PCDHGA7: variants seen among roughly 807,000 people sequenced by gnomAD.
PCDHGA7 encodes protocadherin gamma-A7.
A neutral mutation model predicts 58.3 loss-of-function variants in PCDHGA7; 44 were observed. That is an observed-to-expected ratio of 0.75 (90% confidence interval 0.59 to 0.97). PCDHGA7 has a LOEUF of 0.97. Ranked by LOEUF, PCDHGA7 falls within the 50% of genes least tolerant of loss-of-function variation. PCDHGA7 has a pLI of 0.00. For missense variants in PCDHGA7, 1,266 were observed against 1,188.7 expected (o/e 1.06, Z -0.96); for synonymous variants, 516 against 504.2 (o/e 1.02, Z -0.31).
chr5:141,392,615 C>A (rs2092564205), intron 1 of PCDHGA7: 1 of 536,798 alleles, frequency 1.9e-6, no homozygotes, highest in Non-Finnish European at 3.2e-6. Context: ...CAAATGCAAC[C>A]GAAAACACTC....
intron 1 of PCDHGA7, chr5:141,423,611 C>T: frequency 1.1e-5 from 18 of 1,611,094 alleles, no homozygotes; most frequent in Non-Finnish European, 1.5e-5. Flanking sequence ...CTCTTGATAG[C>T]TGAAGACTCA....
At chr5:141,472,359 G>T (rs2099278248) in intron 1 of PCDHGA7, among the ~76,000 whole-genome samples, 1 of 151,944 alleles carries the variant, frequency 6.6e-6, no homozygotes, top group Admixed American at 6.6e-5. Flanking sequence ...GGCTAACACG[G>T]TGAAACCCCG....
intron 1 of PCDHGA7, among the ~76,000 whole-genome samples, chr5:141,468,193 C>T (rs2099159672): frequency 6.6e-6 from 1 of 151,600 alleles, no homozygotes; most frequent in Non-Finnish European, 1.5e-5. Flanking sequence ...GGCATGGTGG[C>T]GGGTGCCTGT....
intron 1 of PCDHGA7, chr5:141,422,560 G>T (rs2096656228): frequency 6.2e-7 from 1 of 1,614,032 alleles, no homozygotes; most frequent in East Asian, 2.2e-5. Context: ...GAATGTGGCA[G>T]ATGACAACGA....
At chr5:141,427,780 T>C (rs2097069858) in intron 1 of PCDHGA7, 1 of 1,456,004 alleles carries the variant, frequency 6.9e-7, no homozygotes. Flanking sequence ...CTGCGGGCAC[T>C]GTCGTCCTAC....
intron 1 of PCDHGA7, among the ~76,000 whole-genome samples, chr5:141,465,779 GT>G (rs879859429): frequency 5.2e-4 from 76 of 145,138 alleles, no homozygotes; most frequent in South Asian, 1.1e-3. Flanking sequence ...TCTTGTTACA[GT>G]TTTTTTTTTT....
chr5:141,398,329 G>A, intron 1 of PCDHGA7: 2 of 1,358,092 alleles, frequency 1.5e-6, no homozygotes, highest in African/African-American at 1.5e-5. Flanking sequence ...AAAACTGCGC[G>A]TCAGTTCGGA....
chr5:141,399,252 TG>T, intron 1 of PCDHGA7: 1 of 1,613,778 alleles, frequency 6.2e-7, no homozygotes, highest in Non-Finnish European at 8.5e-7. Context: ...CTGGGGAAAA[TG>T]GGGAGGTTAA....
chr5:141,393,656 C>T (rs762750239), intron 1 of PCDHGA7: 2 of 1,613,868 alleles, frequency 1.2e-6, no homozygotes, highest in East Asian at 4.5e-5. Context: ...CATACAAATT[C>T]CGGAAAATTA....
chr5:141,510,814 C>CA, intron 3 of PCDHGA7, 133 bp from the exon 4 acceptor site: 1 of 1,544,688 alleles, frequency 6.5e-7, no homozygotes, highest in Admixed American at 1.8e-5. Flanking sequence ...TTGGTGACCC[C>CA]TATATTCCCA....
intron 1 of PCDHGA7, chr5:141,392,978 C>T: frequency 1.9e-6 from 3 of 1,613,808 alleles, no homozygotes; most frequent in South Asian, 1.1e-5. Context: ...TGGGGCTGGA[C>T]CCCCGGAAGC....
rs746903142 is a variant in PCDHGA7, at chr5:141,491,667, G to T, written c.2425-3140G>T. ...TGGCGCTGGAGCCTGACGCCATCCG[G>T]TCCCGCTCTAATACGCTGCGGGAGC... On this transcript the variant is annotated intron_variant, in intron 1 of 3. Coordinates refer to ENST00000518325, the MANE Select transcript of PCDHGA7 (RefSeq NM_018920.4). The surrounding 1 kb of genome is among the most constrained non-coding windows in gnomAD (Gnocchi z 6.9). 1.9e-6 allele frequency: 3 copies of T among 1,613,794 alleles called. No individual in the cohort carries two copies. Among genetic ancestry groups the T allele is most frequent in the Admixed American group, 1.7e-5 (1 of 60,032 alleles).
At chr5:141,413,648 TC>T in intron 1 of PCDHGA7, 1 of 1,613,820 alleles carries the variant, frequency 6.2e-7, no homozygotes, top group Non-Finnish European at 8.5e-7. Context: ...CGTTTTCCTC[TC>T]CCGGAAGCTA....
chr5:141,479,813 T>G (rs543146395), intron 1 of PCDHGA7, among the ~76,000 whole-genome samples: 1 of 152,318 alleles, frequency 6.6e-6, no homozygotes, highest in South Asian at 2.1e-4. Flanking sequence ...TATGCAAGGA[T>G]ACTATCCAAG....
At chr5:141,456,492 G>C (rs542424798) in intron 1 of PCDHGA7, among the ~76,000 whole-genome samples, 1 of 152,284 alleles carries the variant, frequency 6.6e-6, no homozygotes, top group African/African-American at 2.4e-5. Flanking sequence ...GCTTAATAAA[G>C]GGGTTAACCA....
chr5:141,397,271 T>C (rs552218945), intron 1 of PCDHGA7, among the ~76,000 whole-genome samples: 1 of 152,312 alleles, frequency 6.6e-6, no homozygotes, highest in East Asian at 1.9e-4. Context: ...AGCTACATCA[T>C]ATGGGCAGTA....
intron 1 of PCDHGA7, among the ~76,000 whole-genome samples, chr5:141,473,195 C>G (rs1053769499): frequency 6.6e-6 from 1 of 152,104 alleles, no homozygotes; most frequent in Non-Finnish European, 1.5e-5. Flanking sequence ...GTAAATGTAT[C>G]TTCTAAAAAA....
At chr5:141,418,328 G>C in intron 1 of PCDHGA7, 1 of 1,614,002 alleles carries the variant, frequency 6.2e-7, no homozygotes. Flanking sequence ...TCTTGAGTCT[G>C]CAGAAGATCC....
At chr5:141,413,129 A>G in intron 1 of PCDHGA7, 2 of 1,536,352 alleles carry the variant, frequency 1.3e-6, no homozygotes, top group East Asian at 2.3e-5. Context: ...GTTGAAACAC[A>G]CAACGTGTCC....
Sources: allele counts gnomAD v4.1 joint callset (sites outside exome capture counted in the v4.1 genomes callset), GRCh38; gene constraint gnomAD v4.1.1; non-coding constraint Gnocchi (gnomAD v3.1); transcripts MANE v1.5; gene names NCBI Gene and HGNC (gene_info 2026-07-23, HGNC 2026-07-21).